Variants in ABCA7 observed in about 807,000 individuals in gnomAD.
ABCA7 encodes phospholipid-transporting ATPase ABCA7.
A neutral mutation model predicts 227.6 loss-of-function variants in ABCA7; 261 were observed. That is an observed-to-expected ratio of 1.15 (90% confidence interval 1.04 to 1.27). The LOEUF (loss-of-function observed/expected upper bound fraction) is 1.27. ABCA7 is among the 50% of genes most tolerant of loss of function. ABCA7 has a pLI of 0.00. For synonymous variants in ABCA7, 1,488 were observed against 1,279.7 expected, an observed-to-expected ratio of 1.16 and a Z score of -3.47; for missense variants, 3,331 against 2,924.5, an observed-to-expected ratio of 1.14 and a Z score of -3.21.
At chr19:1,060,071 T>C (rs1017739169) in intron 40 of ABCA7, among the ~76,000 whole-genome samples, 1 of 152,164 alleles carries the variant, frequency 6.6e-6, no homozygotes, top group African/African-American at 2.4e-5. Flanking sequence ...AGGCACCTGC[T>C]TTGTACCAGT....
chr19:1,042,869 T>G (rs773916341), intron 7 of ABCA7, 43 bp downstream of exon 7: 16 of 1,533,170 alleles, frequency 1.0e-5, no homozygotes, highest in Non-Finnish European at 1.4e-5. Flanking sequence ...GAGGCAACGT[T>G]GGCAGGCAGC....
At chr19:1,047,097 G>C (rs2040766706) in intron 14 of ABCA7, 60 bp from the exon 15 acceptor site, 9 of 1,557,808 alleles carry the variant, frequency 5.8e-6, no homozygotes, top group South Asian at 1.2e-5. Flanking sequence ...GGCCCCACGT[G>C]GGTGCGCGCC....
Position 1,054,632 on chromosome 19 carries a change from C to T in ABCA7, c.3789C>T (p.Phe1263=), listed in dbSNP as rs201657292. ...TGTTCAGCCTCATCGTGCCTCCTTT[C>T]GGGCACTACCCGGCTCTGCGGCTCA... ...ALVFSLIVPP[F]GHYPALRLSP... is the part of the protein sequence containing the mutation. Residue 1263 remains phenylalanine, a synonymous_variant, in exon 28 of 47, where the codon TTC becomes TTT. Transcript: ENST00000263094. This position sits in a 1 kb window ranked among gnomAD's most constrained non-coding sequence, Gnocchi z 4.8. 237 of 1,613,380 alleles carry T rather than the reference C, an allele frequency of 1.5e-4. No individual in the cohort carries two copies. Among genetic ancestry groups the T allele is most frequent in the Non-Finnish European group, 1.8e-4 (211 of 1,179,946 alleles).
intron 35 of ABCA7, 39 bp downstream of exon 35, chr19:1,057,468 C>T: frequency 6.5e-7 from 1 of 1,548,180 alleles, no homozygotes; most frequent in Non-Finnish European, 8.9e-7. Flanking sequence ...TCTTACTGAC[C>T]CCTTACTGCC....
intron 40 of ABCA7, among the ~76,000 whole-genome samples, chr19:1,060,550 C>T (rs1295431040): frequency 1.1e-4 from 17 of 148,542 alleles, no homozygotes; most frequent in African/African-American, 2.8e-4. Context: ...GACAAAGTCT[C>T]GCTCTGCCAC....
In ABCA7 at chr19:1,049,344, C is replaced by T. The variant is rs1456262672; in HGVS notation, c.2459C>T (p.Pro820Leu). Residue 820 changes from proline to leucine, a missense_variant, in exon 18 of 47, where the codon CCG (proline) becomes CTG (leucine). Transcript: ENST00000263094. ...CTGGAGAAGCGCTTTCCTGGAAGCC[C>T]GCAGCCAGCCCTGCGGGGGCTCAGC... ...RSLEKRFPGS[P>L]QPALRGLSLD... is the part of the protein sequence containing the mutation. 1.2e-5 allele frequency: 19 copies of T among 1,611,470 alleles called. No homozygotes were observed. Among genetic ancestry groups the T allele is most frequent in the South Asian group, 5.5e-5 (5 of 91,054 alleles).
At position 1,046,309 on chromosome 19, in the gene ABCA7, C is replaced by T; in HGVS notation, c.1525C>T (p.Leu509=). ...VWGGFVYLQD[L]VERAAVRVLS... Reference sequence around the variant, plus strand: ...GGGCGGCTTCGTGTACCTGCAAGACCTGGTGGAGCGTGCAGCCGTCCGCGT... The same window carrying T: ...GGGCGGCTTCGTGTACCTGCAAGACTTGGTGGAGCGTGCAGCCGTCCGCGT... The change falls in exon 13 of 47, where the codon CTG becomes TTG. Residue 509 remains leucine (L), a synonymous_variant. Transcript: ENST00000263094. 4 of 1,605,292 alleles carry T rather than the reference C, an allele frequency of 2.5e-6. No homozygotes were observed. The highest frequency in any genetic ancestry group is 3.4e-6 in the Non-Finnish European group (4 of 1,179,672).
rs1230112843 is a variant in ABCA7, at chr19:1,049,469, C to G, written c.2552+32C>G. Reference sequence around the variant, plus strand: ...CCCCAACCACTCCCTCCCCGTGAGCCCCCCCACTCCCACCCCGTGAGCCCC... The same window carrying G: ...CCCCAACCACTCCCTCCCCGTGAGCGCCCCCACTCCCACCCCGTGAGCCCC... On this transcript the variant is annotated intron_variant, in intron 18 of 46. Transcript: ENST00000263094. The G allele has an allele frequency of 3.6e-6, 4 of 1,098,050 alleles. 1 individual carries two copies. The highest frequency in any genetic ancestry group is 1.8e-5 in the South Asian group (1 of 54,544). 68.0% of individuals were successfully genotyped at this position (1,098,050 alleles called of 1,614,324 possible).
In ABCA7 at chr19:1,053,621, G is replaced by A. The variant is rs562506586; in HGVS notation, c.3423+90G>A. The A allele has an allele frequency of 3.9e-6, 6 of 1,520,456 alleles. No homozygotes were observed. The African/African-American group carries it at 4.1e-5, about 10-fold the overall frequency. 94.2% of individuals were successfully genotyped at this position (1,520,456 alleles called of 1,614,324 possible). ...TGAAGGATGAATAGCGTGTTTATGA[G>A]CAGCAAGGACATTCAGGGAGGAGGC... is the stretch of plus-strand genomic sequence containing the variant. On this transcript the variant is annotated intron_variant, in intron 24 of 46. Transcript: ENST00000263094.
Position 1,043,840 on chromosome 19 carries a change from A to C in ABCA7, c.1046A>C (p.Gln349Pro). Residue 349 changes from glutamine to proline, a missense_variant and splice_region_variant, in exon 10 of 47, where the codon CAG becomes CCG. Coordinates refer to ENST00000263094, the MANE Select transcript of ABCA7 (RefSeq NM_019112.4). ...MNDSSNVAML[Q>P]RLLQMQDEGR... ...GACAGTTCCAATGTGGCCATGCTGC[A>C]GGTGTGCGGGGGTGCTGGGGAGGTG... 1 of 1,564,442 alleles carries C rather than the reference A, an allele frequency of 6.4e-7. No individual in the cohort carries two copies. Among genetic ancestry groups the C allele is most frequent in the Non-Finnish European group, 8.7e-7 (1 of 1,148,904 alleles).
Position 1,056,447 on chromosome 19 carries a change from A to C in ABCA7, c.4534A>C (p.Thr1512Pro), listed in dbSNP as rs756795670. ...GPARHAHSITTLNHPLNLTKE... is the reference protein window; with the variant it reads ...GPARHAHSITPLNHPLNLTKE... ...GGCCCGCCACGCCCACAGCATCACC[A>C]CACTCAACCACCCCTTGAACCTCAC... is the stretch of plus-strand genomic sequence containing the variant. Residue 1512 changes from threonine (T) to proline (P), a missense_variant, in exon 33 of 47, where the codon ACA becomes CCA. By Grantham distance (38) the Thr-to-Pro change is conservative. Coordinates refer to ENST00000263094, the MANE Select transcript of ABCA7 (RefSeq NM_019112.4). The surrounding 1 kb of genome is among the most constrained non-coding windows in gnomAD (Gnocchi z 4.3). 6.2e-7 allele frequency: 1 copy of C among 1,613,460 alleles called. No individual in the cohort carries two copies. Among genetic ancestry groups the C allele is most frequent in the Non-Finnish European group, 8.5e-7 (1 of 1,179,986 alleles).
intron 18 of ABCA7, among the ~76,000 whole-genome samples, chr19:1,050,045 C>G (rs372054043): frequency 6.1e-5 from 9 of 148,446 alleles, no homozygotes; most frequent in Admixed American, 2.7e-4. Flanking sequence ...GTGAGGCCCC[C>G]GACCAGTCCC....
intron 18 of ABCA7, among the ~76,000 whole-genome samples, chr19:1,049,964 C>T (rs1346723501): frequency 1.8e-5 from 2 of 111,344 alleles, no homozygotes; most frequent in African/African-American, 3.6e-5. Context: ...CCCCACCACT[C>T]CCTCCCTGTG....
rs1004384110 is a variant in ABCA7, at chr19:1,041,211, C to G, written c.-137-14C>G. The G allele has an allele frequency of 1.2e-6, 1 of 810,282 alleles. No homozygotes were observed. The highest frequency in any genetic ancestry group is 1.9e-5 in the Admixed American group (1 of 53,958). 50.2% of individuals were successfully genotyped at this position (810,282 alleles called of 1,614,324 possible). A position where few individuals can be genotyped will look rare whatever the true frequency, so the allele number is the denominator to read the frequency against. On this transcript the variant is annotated splice_polypyrimidine_tract_variant and intron_variant, in intron 1 of 46. Transcript: ENST00000263094. ...TCTTTATCGAGTGACTACTGTTTGC[C>G]TCGCTCTAATCAGAGCTTCCAGGAA...
rs781692277 is a variant in ABCA7, at chr19:1,044,709, G to A, written c.1180G>A (p.Gly394Arg). The change falls in exon 11 of 47, where the codon GGG becomes AGG. Residue 394 changes from glycine (G) to arginine (R), a missense_variant. Physicochemically the swap from Gly to Arg is moderately radical, Grantham distance 125 (BLOSUM62 -2). Transcript: ENST00000263094. ...CTGGCAGGACGCACACGCTGATGTGGGGCACCTGGTGGGCACGCTGGGCCG... is the reference window on the plus strand; with the variant it reads ...CTGGCAGGACGCACACGCTGATGTGAGGCACCTGGTGGGCACGCTGGGCCG... ...YSWQDAHADV[G>R]HLVGTLGRVT... 3.7e-6 allele frequency: 6 copies of A among 1,611,264 alleles called. No homozygotes were observed. Among genetic ancestry groups the A allele is most frequent in the Non-Finnish European group, 4.2e-6 (5 of 1,179,794 alleles).
chr19:1,052,680 G>T (rs1343949344), intron 23 of ABCA7, among the ~76,000 whole-genome samples: 1 of 126,586 alleles, frequency 7.9e-6, no homozygotes, highest in African/African-American at 2.9e-5. Flanking sequence ...GGAGAAGGGG[G>T]AGGAGTAGGA....
intron 11 of ABCA7, 98 bp downstream of exon 11, chr19:1,044,842 C>T (rs1456912741): frequency 6.8e-7 from 1 of 1,477,868 alleles, no homozygotes; most frequent in East Asian, 2.5e-5. Flanking sequence ...GCGGGCCCGG[C>T]CCTAGTAAGA....
intron 21 of ABCA7, 80 bp from the exon 22 acceptor site, chr19:1,051,862 G>A: frequency 6.5e-7 from 1 of 1,549,928 alleles, no homozygotes; most frequent in Non-Finnish European, 8.7e-7. Flanking sequence ...TCATGGGGCA[G>A]ACAACTCCTG....
At chr19:1,065,233 C>T in intron 46 of ABCA7, 37 bp from the exon 47 acceptor site, 1 of 1,608,554 alleles carries the variant, frequency 6.2e-7, no homozygotes, top group Non-Finnish European at 8.5e-7. Context: ...CGTGGGCTGA[C>T]CGTCCCTCTT....
Sources: allele counts gnomAD v4.1 joint callset (sites outside exome capture counted in the v4.1 genomes callset), GRCh38; gene constraint gnomAD v4.1.1; non-coding constraint Gnocchi (gnomAD v3.1); transcripts MANE v1.5; gene names NCBI Gene and HGNC (gene_info 2026-07-23, HGNC 2026-07-21).